PCDHA4: variants seen among roughly 807,000 people sequenced by gnomAD.
PCDHA4 encodes the protein protocadherin alpha-4.
Under a neutral mutation model 61.4 loss-of-function variants are expected in PCDHA4, and 49 were observed. That is an observed-to-expected ratio of 0.80 (90% CI 0.63 to 1.01). PCDHA4 has a LOEUF of 1.01. Among genes scored for constraint, PCDHA4 ranks in the 50% least tolerant of loss-of-function variants. The pLI is 0.00. For synonymous variants in PCDHA4, 590 were observed against 550.3 expected (o/e 1.07, Z -1.01); for missense variants, 1,254 against 1,235.8 (o/e 1.01, Z -0.22).
rs1314619067 is a variant in PCDHA4 at position 140,835,422 on chromosome 5, G to A, written c.2385+25850G>A. On this transcript the variant is annotated intron_variant, in intron 1 of 3. Transcript: ENST00000530339. The stretch of plus-strand genomic sequence containing the variant: ...GGAAGTTGTGGATGTAAATGACAAT[G>A]CTCCACAGTTGACTCTCACTTCCCT... 1.4e-5 allele frequency: 23 copies of A among 1,613,834 alleles called. No individual in the cohort carries two copies. The highest frequency in any genetic ancestry group is 1.9e-5 in the Non-Finnish European group (22 of 1,179,890).
At chr5:140,823,284 G>A (rs1319808808) in intron 1 of PCDHA4, 1 of 1,612,332 alleles carries the variant, frequency 6.2e-7, no homozygotes, top group Admixed American at 1.7e-5. Context: ...AGCGCCCGCT[G>A]TCGAGTTACG....
In PCDHA4 at chr5:140,843,275, A is replaced by T. The variant is rs1225687958; in HGVS notation, c.2385+33703A>T. 5 of 1,595,844 alleles carry T rather than the reference A, an allele frequency of 3.1e-6. No individual in the cohort carries two copies. In the Admixed American group the frequency reaches 5.1e-5, roughly 16 times the overall value. On this transcript the variant is annotated intron_variant, in intron 1 of 3. Coordinates refer to ENST00000530339, the MANE Select transcript of PCDHA4 (RefSeq NM_018907.4). ...GCGCCACCGTCTGCTGGTCCTGGTGAAGGATCATGGTGAACCTGCGCTGAC... is the reference window on the plus strand; with the variant it reads ...GCGCCACCGTCTGCTGGTCCTGGTGTAGGATCATGGTGAACCTGCGCTGAC...
In PCDHA4 at chr5:140,809,316, T is replaced by G; in HGVS notation, c.2129T>G (p.Leu710Arg). 1 of 1,614,074 alleles carries G rather than the reference T, an allele frequency of 6.2e-7. No homozygotes were observed. Reference sequence around the variant, plus strand: ...ATTGCCATCTGCGCGGTGTCCAGCCTTTTGGTGCTCACGCTGCTGCTGTAC... The same window carrying G: ...ATTGCCATCTGCGCGGTGTCCAGCCGTTTGGTGCTCACGCTGCTGCTGTAC... ...LIIAICAVSS[L>R]LVLTLLLYTA... Residue 710 changes from leucine to arginine, a missense_variant, in exon 1 of 4, where the codon CTT becomes CGT. Leu to Arg is a moderately radical substitution (Grantham distance 102). Coordinates refer to ENST00000530339, the MANE Select transcript of PCDHA4 (RefSeq NM_018907.4).
At chr5:140,968,810 G>C in intron 1 of PCDHA4, 1 of 1,614,186 alleles carries the variant, frequency 6.2e-7, no homozygotes, top group Non-Finnish European at 8.5e-7. Flanking sequence ...AGCTGTGGTG[G>C]ATAGGGTTTC....
chr5:140,903,987 C>A (rs1324981597), intron 1 of PCDHA4, among the ~76,000 whole-genome samples: 1 of 152,146 alleles, frequency 6.6e-6, no homozygotes, highest in Non-Finnish European at 1.5e-5. Flanking sequence ...CACAATGTAA[C>A]AGCTACAAAT....
chr5:140,877,434 C>T, intron 1 of PCDHA4: 1 of 1,613,804 alleles, frequency 6.2e-7, no homozygotes, highest in South Asian at 1.1e-5. Flanking sequence ...TGAAGGACCA[C>T]GGTGAGCCCG....
intron 2 of PCDHA4, among the ~76,000 whole-genome samples, chr5:140,980,905 A>G (rs182283088): frequency 1.5e-4 from 23 of 152,274 alleles, no homozygotes; most frequent in Admixed American, 1.4e-3. Context: ...ACATCATGTA[A>G]CTATTCTTTA....
At chr5:140,835,194 G>A in intron 1 of PCDHA4, 1 of 1,544,758 alleles carries the variant, frequency 6.5e-7, no homozygotes, top group Non-Finnish European at 8.8e-7. Context: ...AGATTTAGAC[G>A]AAGGCTTGAA....
chr5:140,905,231 A>G (rs2071692761), intron 1 of PCDHA4, among the ~76,000 whole-genome samples: 1 of 152,180 alleles, frequency 6.6e-6, no homozygotes, highest in African/African-American at 2.4e-5. Flanking sequence ...AGAGATGAGG[A>G]TCCAGTTTCA....
Position 140,809,258 on chromosome 5 carries a change from G to A in PCDHA4, c.2071G>A (p.Ala691Thr), listed in dbSNP as rs565672389. Residue 691 changes from alanine (A) to threonine (T), a missense_variant, in exon 1 of 4, where the codon GCT becomes ACT. Transcript: ENST00000530339. ...GTTGGTGGGCGCTGTGGGTCCCGAT[G>A]CTGCGCTGGTGGATGTCAACGTATA... ...RALVGAVGPD[A>T]ALVDVNVYLI... is the part of the protein sequence containing the mutation. 2.5e-6 allele frequency: 4 copies of A among 1,614,106 alleles called. No individual in the cohort carries two copies. The African/African-American group carries it at 4.0e-5, about 16-fold the overall frequency.
intron 1 of PCDHA4, among the ~76,000 whole-genome samples, chr5:140,926,157 C>T (rs1264983904): frequency 4.0e-5 from 6 of 151,736 alleles, no homozygotes; most frequent in Non-Finnish European, 8.8e-5. Flanking sequence ...GAAAGCTCTG[C>T]AGCAGGATCC....
At chr5:140,812,541 A>G (rs1223696277) in intron 1 of PCDHA4, 2 of 150,840 alleles carry the variant, frequency 1.3e-5, no homozygotes, top group Non-Finnish European at 3.0e-5. Context: ...CTTTTTTTCT[A>G]GTTCCTTGAG....
chr5:140,850,745 C>T, intron 1 of PCDHA4: 1 of 1,597,954 alleles, frequency 6.3e-7, no homozygotes. Context: ...GTTGGTCGTA[C>T]TCGCAGCAGA....
chr5:140,950,569 T>G (rs969438550), intron 1 of PCDHA4, among the ~76,000 whole-genome samples: 2 of 152,120 alleles, frequency 1.3e-5, no homozygotes, highest in African/African-American at 4.8e-5. Context: ...TATTTTAAGG[T>G]TTTCTACTTA....
chr5:140,988,551 ATCT>A (rs1472655983), intron 3 of PCDHA4, among the ~76,000 whole-genome samples: 4 of 152,158 alleles, frequency 2.6e-5, no homozygotes, highest in South Asian at 2.1e-4. Flanking sequence ...GACTTTCTTC[ATCT>A]TCTTCTTGGG....
chr5:140,902,750 A>C (rs1367370245), intron 1 of PCDHA4, among the ~76,000 whole-genome samples: 1 of 151,888 alleles, frequency 6.6e-6, no homozygotes. Flanking sequence ...AATCCATTAT[A>C]TCATTCTTAT....
rs782580460 is a variant in PCDHA4, at chr5:140,875,923, C to T, written c.2385+66351C>T. 1.2e-5 allele frequency: 20 copies of T among 1,614,184 alleles called. 1 individual carries two copies. The South Asian group carries it at 2.1e-4, about 17-fold the overall frequency. On this transcript the variant is annotated intron_variant, in intron 1 of 3. Coordinates refer to ENST00000530339, the MANE Select transcript of PCDHA4 (RefSeq NM_018907.4). ...TTCTGAATCTGCGCCTCTGGACTCT[C>T]ATTTTCCTCTAGAGGGCGCTTCTGA...
At chr5:140,923,306 C>A (rs572766829) in intron 1 of PCDHA4, among the ~76,000 whole-genome samples, 1 of 152,216 alleles carries the variant, frequency 6.6e-6, no homozygotes, top group South Asian at 2.1e-4. Context: ...GGCGTGGGGG[C>A]GCTTGGCCTA....
At chr5:140,875,286 G>GA (rs1582198607) in intron 1 of PCDHA4, 2 of 1,381,840 alleles carry the variant, frequency 1.4e-6, no homozygotes, top group South Asian at 3.3e-5. Flanking sequence ...GGTGAAACAG[G>GA]AAAATTTTTT....
Sources: gnomAD v4.1 joint callset for allele counts (sites outside exome capture counted in the v4.1 genomes callset) on GRCh38, gnomAD v4.1.1 for gene constraint, MANE v1.5 for transcripts, NCBI Gene and HGNC (gene_info 2026-07-23, HGNC 2026-07-21) for gene names.